Variants in SEPTIN7 observed in about 807,000 individuals in gnomAD.
SEPTIN7 encodes septin-7.
Under a neutral mutation model 63.3 loss-of-function variants are expected in SEPTIN7, and 10 were observed. That is an observed-to-expected ratio of 0.16 (90% CI 0.10 to 0.27). SEPTIN7 has a LOEUF of 0.27. Among genes scored for constraint, SEPTIN7 ranks in the 10% least tolerant of loss-of-function variants. The probability of loss-of-function intolerance (pLI) is 1.00; values close to 1 mark genes in which losing one functional copy is unlikely to be tolerated. For synonymous variants in SEPTIN7, 131 were observed against 165.3 expected, an observed-to-expected ratio of 0.79 and a Z score of 1.59; for missense variants, 310 against 521.0, an observed-to-expected ratio of 0.59 and a Z score of 3.94.
Position 35,873,370 on chromosome 7 carries a change from G to A in SEPTIN7, c.378-271G>A, listed in dbSNP as rs1487380329. On this transcript the variant is annotated intron_variant, in intron 5 of 13. Transcript: ENST00000350320. ...TATAATTGTTTTCATATTATGAAGT[G>A]TGTTATTAATACACTTATTAGTGCA... Among the ~76,000 whole-genome samples, 3 of 151,954 alleles carry A rather than the reference G, an allele frequency of 2.0e-5. No homozygotes were observed. In the East Asian group the frequency reaches 5.8e-4, roughly 29 times the overall value.
intron 3 of SEPTIN7, among the ~76,000 whole-genome samples, chr7:35,855,203 A>G (rs76443198): frequency 0.011 from 1,666 of 152,208 alleles, 38 homozygotes; most frequent in East Asian, 0.08. Context: ...CTATCACTGA[A>G]TATACTGTGT....
chr7:35,828,981 T>C (rs1228395618), intron 1 of SEPTIN7, among the ~76,000 whole-genome samples: 1 of 152,108 alleles, frequency 6.6e-6, no homozygotes, highest in Non-Finnish European at 1.5e-5. Context: ...CTCTCTAGTG[T>C]CTTCCTATCA....
intron 1 of SEPTIN7, among the ~76,000 whole-genome samples, chr7:35,823,201 G>A (rs547485650): frequency 6.6e-6 from 1 of 152,162 alleles, no homozygotes; most frequent in African/African-American, 2.4e-5. Context: ...TAACTTACAT[G>A]TATTTATTTA....
chr7:35,856,962 G>A (rs1785244012), intron 3 of SEPTIN7, among the ~76,000 whole-genome samples: 1 of 152,154 alleles, frequency 6.6e-6, no homozygotes, highest in Non-Finnish European at 1.5e-5. Context: ...GATTCTAGGG[G>A]AAGAAGTGTT....
At chr7:35,848,468 C>T (rs1287222859) in intron 3 of SEPTIN7, among the ~76,000 whole-genome samples, 1 of 151,952 alleles carries the variant, frequency 6.6e-6, no homozygotes, top group African/African-American at 2.4e-5. Flanking sequence ...GACGGGGTTT[C>T]AGCATGTTAG....
chr7:35,887,752 A>G (rs1339602914), intron 10 of SEPTIN7, among the ~76,000 whole-genome samples: 1 of 152,248 alleles, frequency 6.6e-6, no homozygotes, highest in Non-Finnish European at 1.5e-5. Flanking sequence ...CTGCAGGAAG[A>G]TTTAATACAG....
intron 6 of SEPTIN7, among the ~76,000 whole-genome samples, chr7:35,879,296 C>T (rs1381344062): frequency 1.3e-5 from 2 of 152,006 alleles, no homozygotes; most frequent in Non-Finnish European, 2.9e-5. Flanking sequence ...CCAGCCTGGG[C>T]AACCTGGCGA....
rs77445768 is a variant in SEPTIN7, at chr7:35,804,760, A to G, written c.61+3490A>G. Among the ~76,000 whole-genome samples the G allele has an allele frequency of 8.0e-3, 1,213 of 151,794 alleles. 18 individuals carry two copies. The highest frequency in any genetic ancestry group is 0.027 in the African/African-American group (1,109 of 41,340). ...GGCTATATCCTATTGCTTCTAGGCT[A>G]TGAGCTTGTATAGCTTGTTATTGTA... On this transcript the variant is annotated intron_variant, in intron 1 of 13. Coordinates refer to ENST00000350320, the MANE Select transcript of SEPTIN7 (RefSeq NM_001788.6).
chr7:35,870,700 AT>A (rs912145746), intron 4 of SEPTIN7, among the ~76,000 whole-genome samples: 1 of 151,292 alleles, frequency 6.6e-6, no homozygotes. Flanking sequence ...ACCATTAAAC[AT>A]TTTTTTTGGC....
At chr7:35,832,423 T>G (rs1366691420) in intron 2 of SEPTIN7, among the ~76,000 whole-genome samples, 1 of 152,088 alleles carries the variant, frequency 6.6e-6, no homozygotes, top group African/African-American at 2.4e-5. Flanking sequence ...AAAAGGATTC[T>G]TAATATGATA....
In SEPTIN7 at chr7:35,858,868, C is replaced by T. The variant is rs575131741; in HGVS notation, c.170-4684C>T. 1.2e-3 allele frequency among the ~76,000 whole-genome samples: 176 copies of T among 151,694 alleles called. 1 individual carries two copies. Among genetic ancestry groups the T allele is most frequent in the African/African-American group, 3.8e-3 (156 of 41,398 alleles). Reference sequence around the variant, plus strand: ...GCTAATTTTGTATTTTTAGTAGAGACGGGGTTTTACCATGTTGGTCAGGCT... The same window carrying T: ...GCTAATTTTGTATTTTTAGTAGAGATGGGGTTTTACCATGTTGGTCAGGCT... On this transcript the variant is annotated intron_variant, in intron 3 of 13. Transcript: ENST00000350320.
At chr7:35,822,083 TTTTTTTAAC>T (rs756089381) in intron 1 of SEPTIN7, among the ~76,000 whole-genome samples, 3 of 150,026 alleles carry the variant, frequency 2.0e-5, no homozygotes, top group Non-Finnish European at 4.5e-5. Context: ...CCTCATTTTA[TTTTTTTAAC>T]TTTTGGAGAC....
intron 1 of SEPTIN7, chr7:35,802,400 C>T (rs1788051773): frequency 6.2e-6 from 1 of 160,380 alleles, no homozygotes; most frequent in Non-Finnish European, 1.4e-5. Flanking sequence ...CAGGTGTTTT[C>T]TTAGTTACTG....
rs1209428131 is a variant in SEPTIN7 at position 35,863,592 on chromosome 7, A to G, written c.210A>G (p.Leu70=). The G allele has an allele frequency of 1.3e-6, 2 of 1,591,570 alleles. No homozygotes were observed. Among genetic ancestry groups the G allele is most frequent in the African/African-American group, 1.3e-5 (1 of 74,688 alleles). Residue 70 remains leucine, a synonymous_variant, in exon 4 of 14, where the codon TTA becomes TTG. Transcript: ENST00000350320. Reference sequence around the variant, plus strand: ...GAAAGTCGACATTAATCAACTCATTATTCCTCACAGATTTGTATTCTCCAG... The same window carrying G: ...GAAAGTCGACATTAATCAACTCATTGTTCCTCACAGATTTGTATTCTCCAG... The part of the protein sequence containing the change: ...GLGKSTLINS[L]FLTDLYSPEY...
intron 3 of SEPTIN7, among the ~76,000 whole-genome samples, chr7:35,852,283 G>A (rs2715598): frequency 0.48 from 73,367 of 151,816 alleles, 19,425 homozygotes; most frequent in African/African-American, 0.71. Context: ...CACAAGAAAA[G>A]TTTATTGATG....
Position 35,873,520 on chromosome 7 carries a change from A to G in SEPTIN7, c.378-121A>G, listed in dbSNP as rs567434109. ...ATTTTTGAATATATAGAATAACTTG[A>G]CATATCTTCTACTGGTAAATTCATT... On this transcript the variant is annotated intron_variant, in intron 5 of 13. Transcript: ENST00000350320. 9.4e-5 allele frequency: 78 copies of G among 831,708 alleles called. 2 individuals are homozygous for G. In the South Asian group the frequency reaches 1.8e-3, roughly 20 times the overall value. The allele number at this position is 831,708 out of a possible 1,614,324, so 51.5% of individuals were successfully genotyped here. A position where few individuals can be genotyped will look rare whatever the true frequency, so the allele number is the denominator to read the frequency against.
intron 1 of SEPTIN7, among the ~76,000 whole-genome samples, chr7:35,827,368 A>C (rs1401122648): frequency 2.0e-5 from 3 of 152,240 alleles, no homozygotes. Flanking sequence ...ACATTTGTGC[A>C]GGAAAAGAAT....
the SEPTIN7 span, among the ~76,000 whole-genome samples, chr7:35,915,041 ATG>A: frequency 1.7e-4 from 26 of 150,478 alleles, no homozygotes; most frequent in African/African-American, 5.2e-4. Context: ...ACGTACATAT[ATG>A]TATATATGTA....
intron 12 of SEPTIN7, chr7:35,900,907 A>T (rs1252113327): frequency 6.6e-6 from 1 of 152,226 alleles, no homozygotes. Flanking sequence ...AGGCATGCTC[A>T]TTCTAGATTC....
Sources: allele counts gnomAD v4.1 joint callset (sites outside exome capture counted in the v4.1 genomes callset), GRCh38; gene constraint gnomAD v4.1.1; transcripts MANE v1.5; gene names NCBI Gene and HGNC (gene_info 2026-07-23, HGNC 2026-07-21).